SOD2: variants seen among roughly 807,000 people sequenced by gnomAD.
SOD2 encodes superoxide dismutase 2, also known as superoxide dismutase [Mn], mitochondrial.
A neutral mutation model predicts 27.0 loss-of-function variants in SOD2; 11 were observed. The observed-to-expected ratio is 0.41, with a 90% CI of 0.26 to 0.67. SOD2 has a LOEUF of 0.67. SOD2 is among the 30% of genes least tolerant of loss of function. The pLI is 0.34. For missense variants in SOD2, 250 were observed against 274.5 expected (o/e 0.91, Z 0.63); for synonymous variants, 105 against 103.0 (o/e 1.02, Z -0.12).
At chr6:159,702,582 G>C (rs954841882) in intron 1 of SOD2, among the ~76,000 whole-genome samples, 6 of 138,518 alleles carry the variant, frequency 4.3e-5, no homozygotes, top group Admixed American at 3.2e-4. Context: ...ACAGGTGTGA[G>C]CCACCCTGCC....
At chr6:159,725,163 C>T (rs1245486476) in intron 1 of SOD2, among the ~76,000 whole-genome samples, 1 of 152,120 alleles carries the variant, frequency 6.6e-6, no homozygotes, top group Non-Finnish European at 1.5e-5. Flanking sequence ...AACACAGATA[C>T]ACTACTAGAG....
rs558528855 is a variant in SOD2, at chr6:159,719,764, C to A, written c.-116+7365G>T. ...TTTTTGAGAGAGTCTTATTCTGTCC[C>A]CCAGGTTGGAGTGCAGTCACGCGAT... On this transcript the variant is annotated intron_variant, in intron 1 of 2. Coordinates refer to the SOD2 transcript ENST00000401980. 1.2e-3 allele frequency among the ~76,000 whole-genome samples: 168 copies of A among 145,432 alleles called. 2 individuals carry two copies. The South Asian group carries it at 0.034, about 29-fold the overall frequency.
At chr6:159,762,214 T>C in exon 1 of SOD2, 1 of 1,530,532 alleles carries the variant, frequency 6.5e-7, no homozygotes, top group Non-Finnish European at 8.8e-7. Context: ...AGGGCCGGAC[T>C]TGTGTAGGAG....
At chr6:159,727,419 T>G, upstream of SOD2, 4 of 932,696 alleles carry the variant, frequency 4.3e-6, no homozygotes, top group Non-Finnish European at 5.2e-6. Context: ...GGCGCTGGCC[T>G]GCGGCGCGTT....
intron 1 of SOD2, among the ~76,000 whole-genome samples, chr6:159,714,607 T>G (rs1161127849): frequency 6.6e-6 from 1 of 152,220 alleles, no homozygotes; most frequent in Non-Finnish European, 1.5e-5. Context: ...CAATTCCTGT[T>G]TTTCACTTTG....
intron 1 of SOD2, among the ~76,000 whole-genome samples, chr6:159,704,854 G>T (rs1583031761): frequency 1.3e-5 from 2 of 152,324 alleles, no homozygotes; most frequent in Non-Finnish European, 2.9e-5. Flanking sequence ...CCCCTGAGTA[G>T]CCTAACTGGG....
At chr6:159,759,068 T>TG (rs1780071102) in intron 1 of SOD2, among the ~76,000 whole-genome samples, 1 of 151,520 alleles carries the variant, frequency 6.6e-6, no homozygotes, top group African/African-American at 2.4e-5. Flanking sequence ...TATTTCTTTT[T>TG]TTTTTTTTGA....
chr6:159,689,090 A>G (rs985533857), intron 2 of SOD2, among the ~76,000 whole-genome samples: 3 of 151,942 alleles, frequency 2.0e-5, no homozygotes, highest in African/African-American at 7.3e-5. Context: ...ACACTCAGCT[A>G]CTCTTACTAC....
At chr6:159,686,502 G>T (rs1225984912) in intron 3 of SOD2, among the ~76,000 whole-genome samples, 1 of 152,042 alleles carries the variant, frequency 6.6e-6, no homozygotes, top group African/African-American at 2.4e-5. Flanking sequence ...AAAAAAATTA[G>T]CCGGGCATGG....
chr6:159,757,113 T>C (rs1362216619), intron 1 of SOD2, among the ~76,000 whole-genome samples: 1 of 152,230 alleles, frequency 6.6e-6, no homozygotes. Context: ...CAAAATTTGC[T>C]CCATTTTCTC....
chr6:159,727,144 C>G (rs899675464), exon 1 of SOD2: 19 of 1,195,376 alleles, frequency 1.6e-5, no homozygotes, highest in Non-Finnish European at 1.9e-5. Context: ...TTGCTGAGCT[C>G]CGGGGCCCGC....
chr6:159,728,167 C>G (rs1049289178), upstream of SOD2, among the ~76,000 whole-genome samples: 1 of 152,244 alleles, frequency 6.6e-6, no homozygotes, highest in Non-Finnish European at 1.5e-5. Context: ...TGTAGACTTC[C>G]ATTTTTAAAT....
chr6:159,716,654 C>T lies in SOD2; in HGVS notation c.-116+10475G>A, dbSNP rs1028840548. Among the ~76,000 whole-genome samples, 7 of 152,122 alleles carry T rather than the reference C, an allele frequency of 4.6e-5. No homozygotes were observed. The East Asian group carries it at 5.8e-4, about 13-fold the overall frequency. On this transcript the variant is annotated intron_variant, in intron 1 of 2. Transcript: ENST00000401980. ...CCAGCAGTTCTCATCAAGGGCATGA[C>T]GGGAGGGGGCAGTATTGAAAATATA...
intron 1 of SOD2, among the ~76,000 whole-genome samples, chr6:159,759,722 G>T (rs1255264208): frequency 6.6e-6 from 1 of 151,758 alleles, no homozygotes; most frequent in Non-Finnish European, 1.5e-5. Flanking sequence ...CTTAGTCTCT[G>T]TCTGTCTCAT....
Position 159,682,183 on chromosome 6 carries a change from C to A in SOD2, c.*310G>T, listed in dbSNP as rs1393624308. 5.4e-6 allele frequency: 1 copy of A among 184,962 alleles called. No homozygotes were observed. The highest frequency in any genetic ancestry group is 1.1e-5 in the Non-Finnish European group (1 of 89,910). The allele number at this position is 184,962 out of a possible 1,614,324, so 11.5% of individuals were successfully genotyped here. On this transcript the variant is annotated 3_prime_UTR_variant, in exon 5 of 5. Transcript: ENST00000538183. Reference sequence around the variant, plus strand: ...CAATAGAATAGGACTAGAAAGGCATCCCTACAAGTCCCCAAAGTATATGGA... The same window carrying A: ...CAATAGAATAGGACTAGAAAGGCATACCTACAAGTCCCCAAAGTATATGGA...
upstream of SOD2, among the ~76,000 whole-genome samples, chr6:159,750,151 A>G (rs1034440642): frequency 6.6e-6 from 1 of 152,206 alleles, no homozygotes; most frequent in Non-Finnish European, 1.5e-5. Context: ...AAGTAACCAG[A>G]TCTGTTTGAA....
intron 1 of SOD2, among the ~76,000 whole-genome samples, chr6:159,739,224 C>T (rs1779097369): frequency 6.6e-6 from 1 of 152,130 alleles, no homozygotes; most frequent in Admixed American, 6.5e-5. Context: ...GAAAACGTAA[C>T]ACTTTAAAGA....
At chr6:159,742,024 T>C (rs747191987) in intron 1 of SOD2, 33 of 1,160,120 alleles carry the variant, frequency 2.8e-5, no homozygotes, top group Admixed American at 1.8e-4. Context: ...TTTATAGATA[T>C]CTTCTAGTTT....
upstream of SOD2, chr6:159,748,602 G>A (rs1217869465): frequency 4.5e-6 from 6 of 1,337,028 alleles, no homozygotes; most frequent in African/African-American, 5.9e-5. The surrounding 1 kb of genome is among the most constrained non-coding windows in gnomAD (Gnocchi z 5.6). Flanking sequence ...GCCTGATGGC[G>A]TCGGACTATT....
Sources: gnomAD v4.1 joint callset for allele counts (sites outside exome capture counted in the v4.1 genomes callset) on GRCh38, gnomAD v4.1.1 for gene constraint, Gnocchi (gnomAD v3.1) non-coding constraint, MANE v1.5 for transcripts, NCBI Gene and HGNC (gene_info 2026-07-23, HGNC 2026-07-21) for gene names.